AKR1C8: variants seen among roughly 807,000 people sequenced by gnomAD.
AKR1C8 encodes the protein aldo-keto reductase family 1 member C8.
the AKR1C8 span, among the ~76,000 whole-genome samples, chr10:5,166,009 A>T: frequency 2.0e-5 from 3 of 152,080 alleles, no homozygotes; most frequent in Admixed American, 1.3e-4. Flanking sequence ...TGAGAGAAAA[A>T]AGGAAAAGTG....
At chr10:5,141,125 G>T in the AKR1C8 span, among the ~76,000 whole-genome samples, 3 of 152,068 alleles carry the variant, frequency 2.0e-5, no homozygotes, top group African/African-American at 7.2e-5. Context: ...ATCCTTTGTT[G>T]TCATTGCAGC....
chr10:5,163,120 T>G, the AKR1C8 span: 1 of 416,822 alleles, frequency 2.4e-6, no homozygotes, highest in Non-Finnish European at 4.9e-6. Flanking sequence ...GCTGGCCGCC[T>G]CCTCCAATTT....
At chr10:5,162,909 A>G in the AKR1C8 span, 1 of 534,692 alleles carries the variant, frequency 1.9e-6, no homozygotes, top group South Asian at 1.4e-5. Context: ...ATCTTCTCCC[A>G]AATGGCCTGT....
chr10:5,171,421 T>C, the AKR1C8 span, among the ~76,000 whole-genome samples: 1 of 152,090 alleles, frequency 6.6e-6, no homozygotes, highest in Non-Finnish European at 1.5e-5. Context: ...GTGTTTCCTA[T>C]AACTTTGGGA....
chr10:5,160,390 T>A, the AKR1C8 span, among the ~76,000 whole-genome samples: 1 of 150,736 alleles, frequency 6.6e-6, no homozygotes, highest in African/African-American at 2.4e-5. Flanking sequence ...GAAAAAAAAA[T>A]GAAAAAAAAT....
At chr10:5,140,958 T>G in the AKR1C8 span, among the ~76,000 whole-genome samples, 3 of 152,102 alleles carry the variant, frequency 2.0e-5, no homozygotes, top group African/African-American at 7.2e-5. Context: ...ACAATGAAAT[T>G]TGCCTCATTG....
the AKR1C8 span, among the ~76,000 whole-genome samples, chr10:5,153,430 AT>A: frequency 1.1e-4 from 16 of 152,198 alleles, no homozygotes; most frequent in African/African-American, 3.9e-4. Flanking sequence ...CTGAACATTG[AT>A]TATTTCAAGT....
At chr10:5,150,172 A>G in the AKR1C8 span, among the ~76,000 whole-genome samples, 2 of 152,152 alleles carry the variant, frequency 1.3e-5, no homozygotes, top group South Asian at 4.1e-4. Flanking sequence ...TTCCATGGTT[A>G]CTACAAAAAT....
At chr10:5,164,921 G>T in the AKR1C8 span, among the ~76,000 whole-genome samples, 124 of 152,192 alleles carry the variant, frequency 8.1e-4, no homozygotes, top group Non-Finnish European at 1.6e-3. Context: ...TGGCTATCAT[G>T]TCTTCTGTTC....
At chr10:5,135,246 T>TAAGCAGACA in the AKR1C8 span, 1 of 214,396 alleles carries the variant, frequency 4.7e-6, no homozygotes, top group East Asian at 1.2e-4. Context: ...TTCCTTTCGC[T>TAAGCAGACA]AAGCAGACAC....
the AKR1C8 span, among the ~76,000 whole-genome samples, chr10:5,134,985 T>C: frequency 6.6e-6 from 1 of 152,214 alleles, no homozygotes; most frequent in African/African-American, 2.4e-5. Context: ...AAAGATTGAC[T>C]ACCTTTTCTC....
At chr10:5,154,273 G>A in the AKR1C8 span, 38 of 456,756 alleles carry the variant, frequency 8.3e-5, no homozygotes, top group African/African-American at 5.0e-4. Flanking sequence ...TAAAATTCCC[G>A]AATTTACCAC....
the AKR1C8 span, among the ~76,000 whole-genome samples, chr10:5,170,353 C>T: frequency 6.6e-6 from 1 of 151,972 alleles, no homozygotes; most frequent in African/African-American, 2.4e-5. Context: ...CTTCAGTTTC[C>T]CATTTTTATT....
chr10:5,118,261 AC>A, the AKR1C8 span, among the ~76,000 whole-genome samples: 2 of 152,168 alleles, frequency 1.3e-5, no homozygotes, highest in African/African-American at 4.8e-5. Context: ...GGGAAACAGG[AC>A]TCATGGAAAT....
At chr10:5,170,609 T>TC in the AKR1C8 span, among the ~76,000 whole-genome samples, 1 of 152,230 alleles carries the variant, frequency 6.6e-6, no homozygotes, top group Non-Finnish European at 1.5e-5. Context: ...AACTTAGGGT[T>TC]CCTGGCCTGC....
chr10:5,180,467 CTCCAGCTGCATGCTGGG>C, the AKR1C8 span, among the ~76,000 whole-genome samples: 908 of 152,334 alleles, frequency 6.0e-3, 5 homozygotes, highest in African/African-American at 0.02. Context: ...GTTCTCAGAG[CTCCAGCTGCATGCTGGG>C]AGAACCACTG....
chr10:5,116,873 A>G, the AKR1C8 span, among the ~76,000 whole-genome samples: 4 of 152,190 alleles, frequency 2.6e-5, no homozygotes, highest in Admixed American at 2.0e-4. Flanking sequence ...ATCACTGGAA[A>G]TGTTAAATCC....
chr10:5,170,293 C>T, the AKR1C8 span, among the ~76,000 whole-genome samples: 2,669 of 152,226 alleles, frequency 0.018, 74 homozygotes, highest in African/African-American at 0.061. Context: ...TTACACAACA[C>T]TACCATTTAA....
At chr10:5,151,005 G>A in the AKR1C8 span, among the ~76,000 whole-genome samples, 1 of 152,128 alleles carries the variant, frequency 6.6e-6, no homozygotes, top group Non-Finnish European at 1.5e-5. Flanking sequence ...GAATAACTTG[G>A]TGGGTAGGGG....
Sources: allele counts gnomAD v4.1 joint callset (sites outside exome capture counted in the v4.1 genomes callset), GRCh38; gene constraint gnomAD v4.1.1; transcripts MANE v1.5; gene names NCBI Gene and HGNC (gene_info 2026-07-23, HGNC 2026-07-21).